Variants in SIRPG observed in about 807,000 individuals in gnomAD.
SIRPG encodes signal regulatory protein gamma.
In SIRPG, 38 loss-of-function variants were observed where a neutral mutation model predicts 35.7. The ratio of observed to expected loss-of-function variants is 1.06; its 90% CI spans 0.82 to 1.40. The LOEUF is 1.40. Ranked by LOEUF, SIRPG falls within the 40% of genes most tolerant of loss-of-function variation. The pLI is 0.00. For missense variants in SIRPG, 519 were observed against 483.0 expected (o/e 1.07, Z -0.70); for synonymous variants, 215 against 190.4 (o/e 1.13, Z -1.06).
chr20:1,672,365 A>G, the SIRPG span, among the ~76,000 whole-genome samples: 4 of 152,208 alleles, frequency 2.6e-5, no homozygotes, highest in African/African-American at 9.7e-5. Flanking sequence ...TCTGTGAAAG[A>G]AAATGAAGTA....
chr20:1,660,473 CA>C (rs1394318950), upstream of SIRPG, among the ~76,000 whole-genome samples: 1 of 152,028 alleles, frequency 6.6e-6, no homozygotes, highest in Non-Finnish European at 1.5e-5. Context: ...ATTATGTCTC[CA>C]AAAATAAGAA....
intron 1 of SIRPG, among the ~76,000 whole-genome samples, chr20:1,657,320 A>G (rs1346367279): frequency 2.6e-5 from 4 of 152,222 alleles, no homozygotes. Context: ...CTTAAAGAGG[A>G]GGAGGGCACA....
the SIRPG span, among the ~76,000 whole-genome samples, chr20:1,664,519 C>T: frequency 6.6e-6 from 1 of 152,130 alleles, no homozygotes; most frequent in Non-Finnish European, 1.5e-5. Flanking sequence ...GTGTTTCTCA[C>T]ATTCTAGGGG....
intron 1 of SIRPG, among the ~76,000 whole-genome samples, chr20:1,654,360 A>G (rs551831308): frequency 6.6e-6 from 1 of 152,214 alleles, no homozygotes. Context: ...AGACCAATGG[A>G]TCAGAGCAGA....
chr20:1,665,822 G>T, the SIRPG span, among the ~76,000 whole-genome samples: 2 of 152,036 alleles, frequency 1.3e-5, no homozygotes, highest in Non-Finnish European at 2.9e-5. Flanking sequence ...ATGTCATTTT[G>T]CCCATTTATA....
At chr20:1,664,836 C>T in the SIRPG span, among the ~76,000 whole-genome samples, 12 of 152,260 alleles carry the variant, frequency 7.9e-5, no homozygotes, top group East Asian at 1.9e-4. Flanking sequence ...CGCCCTTTCC[C>T]GCATCCCTTC....
the SIRPG span, among the ~76,000 whole-genome samples, chr20:1,668,227 C>CT: frequency 1.7e-5 from 1 of 60,536 alleles, no homozygotes; most frequent in African/African-American, 5.4e-5. Flanking sequence ...TTCTTTCTTT[C>CT]TTTCTTTCTT....
the SIRPG span, among the ~76,000 whole-genome samples, chr20:1,664,192 A>G: frequency 1.2e-4 from 18 of 152,224 alleles, no homozygotes; most frequent in African/African-American, 3.4e-4. Context: ...ATCTGCCCCC[A>G]TGACTCAAAC....
chr20:1,657,486 A>T (rs2091982201), intron 1 of SIRPG, among the ~76,000 whole-genome samples, 156 bp downstream of exon 1: 1 of 152,230 alleles, frequency 6.6e-6, no homozygotes, highest in Non-Finnish European at 1.5e-5. Flanking sequence ...ATCCACAGAG[A>T]AAGTGCTCAG....
chr20:1,670,929 TA>T, the SIRPG span: 448 of 335,840 alleles, frequency 1.3e-3, 2 homozygotes, highest in African/African-American at 9.5e-3. Context: ...GGTCCCCCTG[TA>T]AAGTGATGTG....
At chr20:1,630,547 T>C in intron 4 of SIRPG, 1 of 485,146 alleles carries the variant, frequency 2.1e-6, no homozygotes, top group Non-Finnish European at 3.7e-6. Context: ...GTGGAGGGGG[T>C]GTGTACTCAG....
At position 1,643,297 on chromosome 20, in the gene SIRPG, G is replaced by A. The variant is rs190773350; in HGVS notation, c.430+5755C>T. Among the ~76,000 whole-genome samples the A allele has an allele frequency of 4.6e-3, 695 of 151,836 alleles. 8 individuals are homozygous for A. The highest frequency in any genetic ancestry group is 0.016 in the African/African-American group (661 of 41,400). ...TCATTCTTTTTTTAAAATCTTGTCCGCATGTCTTATTTCAGCAAAATGGTC... is the reference window on the plus strand; with the variant it reads ...TCATTCTTTTTTTAAAATCTTGTCCACATGTCTTATTTCAGCAAAATGGTC... On this transcript the variant is annotated intron_variant, in intron 2 of 5. Transcript: ENST00000303415.
the SIRPG span, chr20:1,676,641 C>G: frequency 6.5e-6 from 1 of 152,730 alleles, no homozygotes; most frequent in East Asian, 1.9e-4. Flanking sequence ...GTTTAAGGAG[C>G]TTTTATTTAG....
At chr20:1,654,972 C>T (rs994151836) in intron 1 of SIRPG, among the ~76,000 whole-genome samples, 36 of 152,048 alleles carry the variant, frequency 2.4e-4, no homozygotes, top group African/African-American at 8.0e-4. Flanking sequence ...AAATTAAAAC[C>T]GCAGTGGGCT....
chr20:1,667,009 T>C, the SIRPG span, among the ~76,000 whole-genome samples: 1 of 152,006 alleles, frequency 6.6e-6, no homozygotes, highest in Non-Finnish European at 1.5e-5. Context: ...ACTCCCGAGC[T>C]CAAGTGATAC....
the SIRPG span, among the ~76,000 whole-genome samples, chr20:1,680,667 C>A: frequency 6.6e-6 from 1 of 151,888 alleles, no homozygotes; most frequent in East Asian, 1.9e-4. Flanking sequence ...CAAATGACAA[C>A]AATGTAATGT....
At chr20:1,654,521 C>T (rs1426168795) in intron 1 of SIRPG, among the ~76,000 whole-genome samples, 1 of 152,154 alleles carries the variant, frequency 6.6e-6, no homozygotes, top group Non-Finnish European at 1.5e-5. Flanking sequence ...GCCTTCTTCT[C>T]ATGCCTCATA....
At chr20:1,681,625 G>T in the SIRPG span, among the ~76,000 whole-genome samples, 1 of 152,142 alleles carries the variant, frequency 6.6e-6, no homozygotes, top group African/African-American at 2.4e-5. Flanking sequence ...GAGGTCAGGA[G>T]TTTCAGACCA....
chr20:1,646,851 T>C (rs2122527239), intron 2 of SIRPG: 1 of 152,292 alleles, frequency 6.6e-6, no homozygotes, highest in East Asian at 1.9e-4. Flanking sequence ...TTCTCCATGT[T>C]GGTTAGGCTG....
Sources: gnomAD v4.1 joint callset for allele counts (sites outside exome capture counted in the v4.1 genomes callset) on GRCh38, gnomAD v4.1.1 for gene constraint, MANE v1.5 for transcripts, NCBI Gene and HGNC (gene_info 2026-07-23, HGNC 2026-07-21) for gene names.